KATNA1: variants seen among roughly 807,000 people sequenced by gnomAD.
KATNA1 encodes the protein katanin p60 ATPase-containing subunit A1.
KATNA1 carries 42 observed loss-of-function variants against 62.6 expected under a neutral mutation model. That is an observed-to-expected ratio of 0.67 (90% CI 0.52 to 0.87). The LOEUF (loss-of-function observed/expected upper bound fraction) is 0.87. Among genes scored for constraint, KATNA1 ranks in the 40% least tolerant of loss-of-function variants. The probability of loss-of-function intolerance (pLI) is 0.00; values close to 1 mark genes in which losing one functional copy is unlikely to be tolerated. For synonymous variants in KATNA1, 186 were observed against 201.9 expected (o/e 0.92, Z 0.67); for missense variants, 498 against 612.5 (o/e 0.81, Z 1.97).
At chr6:149,606,224 C>T (rs2115090471) in intron 4 of KATNA1, among the ~76,000 whole-genome samples, 1 of 152,260 alleles carries the variant, frequency 6.6e-6, no homozygotes. Flanking sequence ...ACTGCTAGAA[C>T]ATAAACTGTT....
rs545617960 is a variant in KATNA1 at position 149,634,222 on chromosome 6, G to A, written c.163-1306C>T. Among the ~76,000 whole-genome samples, 322 of 150,072 alleles carry A rather than the reference G, an allele frequency of 2.1e-3. 2 individuals carry two copies. The highest frequency in any genetic ancestry group is 7.7e-3 in the African/African-American group (310 of 40,154). ...CAGGAGGCGGAAGTTGCAGTGAGCCGAGATCGCACCATTGCACTCCTGCCT... is the reference window on the plus strand; with the variant it reads ...CAGGAGGCGGAAGTTGCAGTGAGCCAAGATCGCACCATTGCACTCCTGCCT... On this transcript the variant is annotated intron_variant, in intron 2 of 10. Transcript: ENST00000367411.
chr6:149,611,747 C>A (rs987477069), intron 4 of KATNA1, among the ~76,000 whole-genome samples: 1 of 152,126 alleles, frequency 6.6e-6, no homozygotes, highest in Non-Finnish European at 1.5e-5. Flanking sequence ...TGCCTGTAAT[C>A]CCAGCACTTT....
In KATNA1 at chr6:149,604,710, C is replaced by G. The variant is rs755520199; in HGVS notation, c.574G>C (p.Val192Leu). Residue 192 changes from valine (V) to leucine (L), a missense_variant, in exon 5 of 11, where the codon GTA becomes CTA. Transcript: ENST00000367411. Reference sequence around the variant, plus strand: ...ATTATATCTCTTTCCAAAGCTTCTACTAAGTCTTTATCATATCCGGTACTA... The same window carrying G: ...ATTATATCTCTTTCCAAAGCTTCTAGTAAGTCTTTATCATATCCGGTACTA... ...FDSTGYDKDL[V>L]EALERDIISQ... The G allele has an allele frequency of 5.0e-6, 8 of 1,612,450 alleles. No homozygotes were observed. Among genetic ancestry groups the G allele is most frequent in the Non-Finnish European group, 5.1e-6 (6 of 1,178,594 alleles).
At chr6:149,630,210 T>C (rs1779777670) in intron 3 of KATNA1, among the ~76,000 whole-genome samples, 1 of 152,378 alleles carries the variant, frequency 6.6e-6, no homozygotes, top group East Asian at 1.9e-4. Flanking sequence ...TATTATGTAC[T>C]ATAACAAGAA....
intron 1 of KATNA1, among the ~76,000 whole-genome samples, chr6:149,640,284 C>T (rs1248536702): frequency 6.6e-6 from 1 of 151,910 alleles, no homozygotes; most frequent in Non-Finnish European, 1.5e-5. Flanking sequence ...CGGCAAAACC[C>T]CATCTCTACA....
Position 149,609,814 on chromosome 6 carries a change from A to AAAAAAAAAAAAAAAAAAAAC in KATNA1, c.502-5033_502-5032insGTTTTTTTTTTTTTTTTTTT, listed in dbSNP as rs1562284874. ...CTAGACTCCATCTCAAAAAAAAAAA[A>AAAAAAAAAAAAAAAAAAAAC]AATAGGCCAGGTGCGGTGGCTCATG... On this transcript the variant is annotated intron_variant, in intron 4 of 10. Coordinates refer to ENST00000367411, the MANE Select transcript of KATNA1 (RefSeq NM_007044.4). 2.5e-3 allele frequency among the ~76,000 whole-genome samples: 349 copies of AAAAAAAAAAAAAAAAAAAAC among 141,552 alleles called. 19 individuals carry two copies. The highest frequency in any genetic ancestry group is 9.1e-3 in the African/African-American group (330 of 36,114). 92.9% of individuals were successfully genotyped at this position (141,552 alleles called of 152,430 possible).
Position 149,623,268 on chromosome 6 carries a change from A to G in KATNA1, c.336T>C (p.Pro112=), listed in dbSNP as rs377409348. The G allele has an allele frequency of 6.3e-7, 1 of 1,599,168 alleles. No homozygotes were observed. Among genetic ancestry groups the G allele is most frequent in the Non-Finnish European group, 8.5e-7 (1 of 1,176,356 alleles). The part of the protein sequence containing the change: ...VPVERRPSPG[P]RKRQSSQYSD... ...TGTACTGAGAAGATTGGCGTTTTCT[A>G]GGTCCTGGTGAGGGTCTAATCAAAC... Residue 112 remains proline (P), a synonymous_variant, in exon 4 of 11, where the codon CCT becomes CCC. Transcript: ENST00000367411.
At chr6:149,640,616 C>T (rs1195059792) in intron 1 of KATNA1, among the ~76,000 whole-genome samples, 9 of 151,834 alleles carry the variant, frequency 5.9e-5, no homozygotes, top group Admixed American at 5.3e-4. Flanking sequence ...GGCGCAATCT[C>T]GGCTCACTGC....
intron 6 of KATNA1, 85 bp from the exon 7 acceptor site, chr6:149,601,837 C>A: frequency 9.7e-7 from 1 of 1,027,406 alleles, no homozygotes; most frequent in South Asian, 2.9e-5. Flanking sequence ...TAGCAAATTT[C>A]GACCAACTTA....
intron 3 of KATNA1, among the ~76,000 whole-genome samples, chr6:149,629,963 T>C (rs561731743): frequency 1.3e-5 from 2 of 152,312 alleles, no homozygotes; most frequent in Non-Finnish European, 2.9e-5. Context: ...AAATAATACA[T>C]GTAAAACAAC....
rs759254756 is a variant in KATNA1, at chr6:149,594,985, T to C, written c.*51A>G. 1.5e-5 allele frequency: 21 copies of C among 1,412,938 alleles called. No individual in the cohort carries two copies. Among genetic ancestry groups the C allele is most frequent in the Non-Finnish European group, 2.1e-5 (21 of 1,003,378 alleles). 87.5% of individuals were successfully genotyped at this position (1,412,938 alleles called of 1,614,324 possible). A position where few individuals can be genotyped will look rare whatever the true frequency, so the allele number is the denominator to read the frequency against. ...GCACTCAGTACAATGAATTACTGCA[T>C]TTAATATTCAAACACTTAAGGCACA... On this transcript the variant is annotated 3_prime_UTR_variant, in exon 11 of 11. Coordinates refer to ENST00000367411, the MANE Select transcript of KATNA1 (RefSeq NM_007044.4).
intron 4 of KATNA1, among the ~76,000 whole-genome samples, chr6:149,610,946 G>A (rs1454832894): frequency 1.3e-5 from 2 of 152,292 alleles, no homozygotes; most frequent in Non-Finnish European, 2.9e-5. Context: ...CTAGCCGGGC[G>A]TGGTGTTCCA....
chr6:149,639,021 G>A (rs1285984947), intron 1 of KATNA1, among the ~76,000 whole-genome samples: 1 of 151,870 alleles, frequency 6.6e-6, no homozygotes, highest in African/African-American at 2.4e-5. Context: ...TTACAGGCAT[G>A]AGCCACCGCG....
At chr6:149,626,413 G>A (rs1779612752) in intron 3 of KATNA1, among the ~76,000 whole-genome samples, 1 of 141,550 alleles carries the variant, frequency 7.1e-6, no homozygotes, top group African/African-American at 2.7e-5. Context: ...TCCTGCCTCA[G>A]CCTCCCGAGT....
chr6:149,638,342 C>T (rs1247714975), intron 2 of KATNA1, 44 bp downstream of exon 2: 7 of 1,575,804 alleles, frequency 4.4e-6, no homozygotes, highest in Non-Finnish European at 6.1e-6. Flanking sequence ...TTTTCTCTTC[C>T]GAGTACTTAA....
intron 3 of KATNA1, among the ~76,000 whole-genome samples, chr6:149,627,045 G>A (rs1243894983): frequency 2.0e-5 from 3 of 151,832 alleles, no homozygotes; most frequent in African/African-American, 7.3e-5. Context: ...ATACGTGTGT[G>A]TGTATAAGCA....
In KATNA1 at chr6:149,598,360, G is replaced by A; in HGVS notation, c.889-10C>T. 6.2e-7 allele frequency: 1 copy of A among 1,612,504 alleles called. No homozygotes were observed. The highest frequency in any genetic ancestry group is 8.5e-7 in the Non-Finnish European group (1 of 1,179,152). Reference sequence around the variant, plus strand: ...GAGAATAAAATCGAGCCTAAAGGAAGAAACCATGCAATATCAAGCTATTAA... The same window carrying A: ...GAGAATAAAATCGAGCCTAAAGGAAAAAACCATGCAATATCAAGCTATTAA... On this transcript the variant is annotated splice_polypyrimidine_tract_variant and intron_variant, in intron 7 of 10. Coordinates refer to ENST00000367411, the MANE Select transcript of KATNA1 (RefSeq NM_007044.4).
chr6:149,624,914 T>C (rs1327853109), intron 3 of KATNA1, among the ~76,000 whole-genome samples: 2 of 150,400 alleles, frequency 1.3e-5, no homozygotes, highest in East Asian at 1.9e-4. Flanking sequence ...GGGAATGGCC[T>C]CATGAAGACA....
rs142263647 is a variant in KATNA1, at chr6:149,623,240, C to G, written c.364G>C (p.Asp122His). 5.1e-5 allele frequency: 82 copies of G among 1,611,352 alleles called. No individual in the cohort carries two copies. Among genetic ancestry groups the G allele is most frequent in the Admixed American group, 2.9e-4 (17 of 59,148 alleles). Residue 122 changes from aspartate to histidine, a missense_variant, in exon 4 of 11, where the codon GAC becomes CAC. Physicochemically the swap from Asp to His is moderately conservative, Grantham distance 81. Coordinates refer to ENST00000367411, the MANE Select transcript of KATNA1 (RefSeq NM_007044.4). ...GGACGATTACCATGTGATTTAGGGT[C>G]ACTGTACTGAGAAGATTGGCGTTTT... Reference protein sequence around the residue: ...PRKRQSSQYSDPKSHGNRPST... With the variant: ...PRKRQSSQYSHPKSHGNRPST...
Sources: gnomAD v4.1 joint callset for allele counts (sites outside exome capture counted in the v4.1 genomes callset) on GRCh38, gnomAD v4.1.1 for gene constraint, MANE v1.5 for transcripts, NCBI Gene and HGNC (gene_info 2026-07-23, HGNC 2026-07-21) for gene names.